Variants in MAPK8 observed in about 807,000 individuals in gnomAD.
The protein encoded by MAPK8 is mitogen-activated protein kinase 8, also known as JUN N-terminal kinase.
Under a neutral mutation model 52.9 loss-of-function variants are expected in MAPK8, and 13 were observed. The ratio of observed to expected loss-of-function variants is 0.25; its 90% CI spans 0.16 to 0.39. The LOEUF (loss-of-function observed/expected upper bound fraction) is 0.39, where lower values mean the gene tolerates loss of function less well. Among genes scored for constraint, MAPK8 ranks in the 10% least tolerant of loss-of-function variants. The pLI, the probability that MAPK8 is intolerant of heterozygous loss-of-function variation, is 1.00. For synonymous variants in MAPK8, 191 were observed against 169.8 expected, an observed-to-expected ratio of 1.12 and a Z score of -0.97; for missense variants, 300 against 519.2, an observed-to-expected ratio of 0.58 and a Z score of 4.10.
Position 48,435,022 on chromosome 10 carries a change from G to T in MAPK8, c.1277G>T (p.Cys426Phe). 1 of 945,486 alleles carries T rather than the reference G, an allele frequency of 1.1e-6. No homozygotes were observed. 58.6% of individuals were successfully genotyped at this position (945,486 alleles called of 1,614,324 possible). Residue 426 changes from cysteine to phenylalanine, a missense_variant, in exon 12 of 12, where the codon TGT becomes TTT. This residue lies in a region of MAPK8 where 119 missense variants were observed against 154.4 expected (regional missense o/e 0.77). Transcript: ENST00000374189. ...GCAGCAGCTGGGCCTCTGGGCTGCT[G>T]TAGATGACTACTTGGGCCATCGGGG... ...LEAAAGPLGCCR is the reference protein window; with the variant it reads ...LEAAAGPLGCFR
intron 1 of MAPK8, among the ~76,000 whole-genome samples, chr10:48,371,370 G>C (rs1848513666): frequency 1.3e-5 from 2 of 152,022 alleles, no homozygotes; most frequent in Non-Finnish European, 2.9e-5. Flanking sequence ...ATTTGTTTTT[G>C]TACTGAATGC....
intron 1 of MAPK8, among the ~76,000 whole-genome samples, chr10:48,365,035 G>A (rs1485115156): frequency 6.6e-6 from 1 of 152,056 alleles, no homozygotes; most frequent in Non-Finnish European, 1.5e-5. Context: ...ACGATTTAAA[G>A]GAGAATGGCA....
chr10:48,314,566 G>C (rs1245751850), intron 1 of MAPK8, among the ~76,000 whole-genome samples: 1 of 152,206 alleles, frequency 6.6e-6, no homozygotes, highest in Non-Finnish European at 1.5e-5. Context: ...CAGAGGTAGA[G>C]TTCCTAGGCC....
chr10:48,356,077 G>GT (rs34832373), intron 1 of MAPK8, among the ~76,000 whole-genome samples: 76,581 of 152,048 alleles, frequency 0.5, 19,889 homozygotes, highest in Middle Eastern at 0.72. Context: ...CATGAAGAAA[G>GT]TGACTCTCAG....
chr10:48,404,818 G>GT (rs1429076595), intron 2 of MAPK8, 34 bp from the exon 3 acceptor site: 4 of 1,563,408 alleles, frequency 2.6e-6, no homozygotes, highest in Non-Finnish European at 2.6e-6. Flanking sequence ...TTTGCTTGAA[G>GT]TTTTTTTGTG....
rs149223765 is a variant in MAPK8 at position 48,341,312 on chromosome 10, C to T, written c.-50+34491C>T. ...AAAGTAAAAGAAGAAACGTTAGGTG[C>T]TTCCAGGACACTCATACTTGAAGTA... On this transcript the variant is annotated intron_variant, in intron 1 of 11. Coordinates refer to ENST00000374189, the MANE Select transcript of MAPK8 (RefSeq NM_001323329.2). 2.3e-3 allele frequency among the ~76,000 whole-genome samples: 347 copies of T among 152,304 alleles called. 3 individuals are homozygous for T. The highest frequency in any genetic ancestry group is 7.7e-3 in the African/African-American group (322 of 41,564).
chr10:48,318,219 T>C (rs1466094960), intron 1 of MAPK8, among the ~76,000 whole-genome samples: 1 of 152,216 alleles, frequency 6.6e-6, no homozygotes, highest in Non-Finnish European at 1.5e-5. Context: ...TTGTTTTTGC[T>C]ATTAAAGCCT....
intron 1 of MAPK8, among the ~76,000 whole-genome samples, chr10:48,383,971 G>A (rs75342079): frequency 3.7e-4 from 56 of 152,294 alleles, no homozygotes; most frequent in African/African-American, 1.3e-3. Context: ...AGACAAGATG[G>A]CCTGGCCCAG....
chr10:48,334,521 C>G (rs1455718675), intron 1 of MAPK8, among the ~76,000 whole-genome samples: 1 of 152,156 alleles, frequency 6.6e-6, no homozygotes, highest in Non-Finnish European at 1.5e-5. Flanking sequence ...ATGAGGTTTC[C>G]TGGTTGCTGC....
chr10:48,431,236 G>A lies in MAPK8; in HGVS notation c.1104G>A (p.Lys368=). The A allele has an allele frequency of 6.2e-7, 1 of 1,612,342 alleles. No homozygotes were observed. Among genetic ancestry groups the A allele is most frequent in the Admixed American group, 1.7e-5 (1 of 60,018 alleles). The change falls in exon 11 of 12, where the codon AAG becomes AAA. Residue 368 remains lysine, a synonymous_variant. Coordinates refer to ENST00000374189, the MANE Select transcript of MAPK8 (RefSeq NM_001323329.2). ...TTATGGACTTGGAGGAGAGAACCAA[G>A]AATGGAGTTATACGGGGGCAGCCCT... ...KEVMDLEERT[K]NGVIRGQPSP...
In MAPK8 at chr10:48,434,950, T is replaced by G; in HGVS notation, c.1205T>G (p.Met402Arg). 1 of 1,613,196 alleles carries G rather than the reference T, an allele frequency of 6.2e-7. No individual in the cohort carries two copies. Among genetic ancestry groups the G allele is most frequent in the East Asian group, 2.2e-5 (1 of 44,828 alleles). Reference sequence around the variant, plus strand: ...TCGTCTGTCAATGATGTGTCTTCAATGTCAACAGATCCGACTTTGGCCTCT... The same window carrying G: ...TCGTCTGTCAATGATGTGTCTTCAAGGTCAACAGATCCGACTTTGGCCTCT... ...SSSSVNDVSS[M>R]STDPTLASDT... Residue 402 changes from methionine to arginine, a missense_variant, in exon 12 of 12, where the codon ATG becomes AGG. Transcript: ENST00000374189.
rs1371900403 is a variant in MAPK8, at chr10:48,425,329, G to C, written c.689-559G>C. The C allele has an allele frequency of 1.8e-5, 9 of 511,228 alleles. No individual in the cohort carries two copies. The East Asian group carries it at 2.9e-4, about 17-fold the overall frequency. The allele number at this position is 511,228 out of a possible 1,614,324, so 31.7% of individuals were successfully genotyped here. A position where few individuals can be genotyped will look rare whatever the true frequency, so the allele number is the denominator to read the frequency against. On this transcript the variant is annotated intron_variant, in intron 7 of 11. Coordinates refer to ENST00000374189, the MANE Select transcript of MAPK8 (RefSeq NM_001323329.2). ...GCAAAAAACTGAATCTTTTTTATAA[G>C]GGTCAGAGCTTTAGAAAATTTTTTT...
intron 1 of MAPK8, among the ~76,000 whole-genome samples, chr10:48,322,075 G>A (rs1843052142): frequency 6.6e-6 from 1 of 152,220 alleles, no homozygotes; most frequent in Admixed American, 6.5e-5. Context: ...GTAATATACA[G>A]AGAAGACAGG....
At chr10:48,431,107 A>G in intron 10 of MAPK8, 86 bp from the exon 11 acceptor site, 1 of 785,574 alleles carries the variant, frequency 1.3e-6, no homozygotes, top group South Asian at 1.5e-5. Context: ...CTTCACATGT[A>G]TAAAAATTTC....
intron 1 of MAPK8, among the ~76,000 whole-genome samples, chr10:48,315,004 G>A (rs533307155): frequency 3.3e-4 from 50 of 152,154 alleles, no homozygotes; most frequent in African/African-American, 1.2e-3. Context: ...AAATTTCCAC[G>A]TGTATTTGGT....
chr10:48,365,033 A>T (rs1847903309), intron 1 of MAPK8, among the ~76,000 whole-genome samples: 1 of 152,182 alleles, frequency 6.6e-6, no homozygotes, highest in South Asian at 2.1e-4. Context: ...GTACGATTTA[A>T]AGGAGAATGG....
chr10:48,370,723 T>C (rs1848464683), intron 1 of MAPK8, among the ~76,000 whole-genome samples: 3 of 152,042 alleles, frequency 2.0e-5, no homozygotes, highest in Admixed American at 2.0e-4. Flanking sequence ...GAAGTAAACA[T>C]GGAAGGAAGA....
chr10:48,366,787 T>C (rs751800371), intron 1 of MAPK8, among the ~76,000 whole-genome samples: 3 of 152,184 alleles, frequency 2.0e-5, no homozygotes, highest in Admixed American at 6.5e-5. Context: ...TGAAAAATTT[T>C]TTTTCTTTTT....
intron 1 of MAPK8, among the ~76,000 whole-genome samples, chr10:48,307,447 G>A (rs2132034256): frequency 6.6e-6 from 1 of 152,288 alleles, no homozygotes; most frequent in Admixed American, 6.5e-5. Context: ...ATCCAGCTTG[G>A]CCCGAGCTTC....
Sources: gnomAD v4.1 joint callset for allele counts (sites outside exome capture counted in the v4.1 genomes callset) on GRCh38, gnomAD v4.1.1 for gene constraint, gnomAD v4.1.1 regional missense constraint, MANE v1.5 for transcripts, NCBI Gene and HGNC (gene_info 2026-07-23, HGNC 2026-07-21) for gene names.